INO80E: variants seen among roughly 807,000 people sequenced by gnomAD.
The protein encoded by INO80E is INO80 complex subunit E.
Under a neutral mutation model 27.3 loss-of-function variants are expected in INO80E, and 20 were observed. The ratio of observed to expected loss-of-function variants is 0.73; its 90% CI spans 0.51 to 1.06. INO80E has a LOEUF of 1.06. Ranked by LOEUF, INO80E falls within the 50% of genes least tolerant of loss-of-function variation. The pLI, the probability that INO80E is intolerant of heterozygous loss-of-function variation, is 0.00. For synonymous variants in INO80E, 167 were observed against 145.9 expected (o/e 1.14, Z -1.04); for missense variants, 357 against 322.8 (o/e 1.11, Z -0.81).
In INO80E at chr16:30,005,481, C is replaced by T. The variant is rs754748173; in HGVS notation, c.*39C>T. 1.2e-5 allele frequency: 18 copies of T among 1,545,138 alleles called. No homozygotes were observed. The highest frequency in any genetic ancestry group is 5.9e-5 in the South Asian group (5 of 84,090). The stretch of plus-strand genomic sequence containing the variant: ...CCATGCCCACCACGGCCCCGCCCGG[C>T]GCCCTCCCCGTGCCAGCACACACGA... On this transcript the variant is annotated 3_prime_UTR_variant, in exon 7 of 7. Transcript: ENST00000563197.
intron 6 of INO80E, 23 bp from the exon 7 acceptor site, chr16:30,005,196 CCT>C (rs1242667204): frequency 5.5e-6 from 8 of 1,443,898 alleles, no homozygotes; most frequent in Non-Finnish European, 6.4e-6. Flanking sequence ...GACTAGTCCC[CCT>C]GTGTTTCTTC....
chr16:29,999,759 C>T (rs2070279306), intron 3 of INO80E, among the ~76,000 whole-genome samples: 1 of 152,196 alleles, frequency 6.6e-6, no homozygotes, highest in South Asian at 2.1e-4. Context: ...CCAGATTAAG[C>T]AGCACCATGA....
chr16:29,996,405 CG>C lies in INO80E; in HGVS notation c.81+17del. ...TTCCTCATCTACGTGAGTGCTGCCG[CG>C]GGAAGGCTGTGGGGGATGAGGCCTG... On this transcript the variant is annotated intron_variant, in intron 1 of 6. Transcript: ENST00000563197. 6.3e-7 allele frequency: 1 copy of C among 1,579,892 alleles called. No individual in the cohort carries two copies.
rs1232261630 is a variant in INO80E at position 29,996,408 on chromosome 16, G to T, written c.81+17G>T. 1.3e-6 allele frequency: 2 copies of T among 1,577,708 alleles called. No homozygotes were observed. The highest frequency in any genetic ancestry group is 1.7e-6 in the Non-Finnish European group (2 of 1,161,084). On this transcript the variant is annotated intron_variant, in intron 1 of 6. Transcript: ENST00000563197. ...CTCATCTACGTGAGTGCTGCCGCGGGAAGGCTGTGGGGGATGAGGCCTGGC... is the reference window on the plus strand; with the variant it reads ...CTCATCTACGTGAGTGCTGCCGCGGTAAGGCTGTGGGGGATGAGGCCTGGC...
Position 30,005,701 on chromosome 16 carries a change from G to A in INO80E, c.*259G>A. 1.8e-6 allele frequency: 1 copy of A among 545,502 alleles called. No homozygotes were observed. Among genetic ancestry groups the A allele is most frequent in the Non-Finnish European group, 3.2e-6 (1 of 312,386 alleles). The allele number at this position is 545,502 out of a possible 1,614,324, so 33.8% of individuals were successfully genotyped here. On this transcript the variant is annotated 3_prime_UTR_variant, in exon 7 of 7. Coordinates refer to ENST00000563197, the MANE Select transcript of INO80E (RefSeq NM_173618.3). Reference sequence around the variant, plus strand: ...GCATCTGCCACCTGCTGGGGAGGCAGAGACCCTGCAATGGCCACCTCTTTA... The same window carrying A: ...GCATCTGCCACCTGCTGGGGAGGCAAAGACCCTGCAATGGCCACCTCTTTA...
chr16:29,996,374 C>T lies in INO80E; in HGVS notation c.64C>T (p.Leu22Phe), dbSNP rs1159241877. The T allele has an allele frequency of 6.3e-7, 1 of 1,593,436 alleles. No individual in the cohort carries two copies. Among genetic ancestry groups the T allele is most frequent in the Admixed American group, 1.8e-5 (1 of 57,028 alleles). The change falls in exon 1 of 7, where the codon CTC (leucine) becomes TTC (phenylalanine). Residue 22 changes from leucine (L) to phenylalanine (F), a missense_variant. Leu to Phe is a conservative substitution (Grantham distance 22). Transcript: ENST00000563197. ...KKKYRNLKRK[L>F]KFLIYEHECF... Reference sequence around the variant, plus strand: ...AAAATACCGGAATCTGAAGCGGAAGCTCAAGTTCCTCATCTACGTGAGTGC... The same window carrying T: ...AAAATACCGGAATCTGAAGCGGAAGTTCAAGTTCCTCATCTACGTGAGTGC...
chr16:29,997,283 C>G (rs1359104225), intron 3 of INO80E, among the ~76,000 whole-genome samples: 1 of 152,164 alleles, frequency 6.6e-6, no homozygotes, highest in African/African-American at 2.4e-5. Context: ...TTGCAACATA[C>G]AATCTTTGAA....
In INO80E at chr16:30,005,573, A is replaced by G; in HGVS notation, c.*131A>G. ...TGCTCCGGCCACTGACACAACCAGA[A>G]AAGGCGTAAACATGCACGGGTGTCC... On this transcript the variant is annotated 3_prime_UTR_variant, in exon 7 of 7. Coordinates refer to ENST00000563197, the MANE Select transcript of INO80E (RefSeq NM_173618.3). 1 of 904,968 alleles carries G rather than the reference A, an allele frequency of 1.1e-6. No individual in the cohort carries two copies. Among genetic ancestry groups the G allele is most frequent in the Non-Finnish European group, 1.7e-6 (1 of 584,576 alleles). The allele number at this position is 904,968 out of a possible 1,614,324, so 56.1% of individuals were successfully genotyped here.
At chr16:30,001,222 A>G in intron 5 of INO80E, 182 bp downstream of exon 5, 1 of 1,489,606 alleles carries the variant, frequency 6.7e-7, no homozygotes, top group Middle Eastern at 1.7e-4. Flanking sequence ...GAACGGGGCC[A>G]GGCCTGACTG....
In INO80E at chr16:30,000,758, A is replaced by G. The variant is rs2070317850; in HGVS notation, c.206A>G (p.Asp69Gly). 1 of 1,613,674 alleles carries G rather than the reference A, an allele frequency of 6.2e-7. No individual in the cohort carries two copies. The highest frequency in any genetic ancestry group is 8.5e-7 in the Non-Finnish European group (1 of 1,179,756). Residue 69 changes from aspartate (D) to glycine (G), a missense_variant and splice_region_variant, in exon 4 of 7, where the codon GAC becomes GGC. Coordinates refer to ENST00000563197, the MANE Select transcript of INO80E (RefSeq NM_173618.3). ...QYENVDEDSS[D>G]SDATASSDNS... is the part of the protein sequence containing the mutation. Reference sequence around the variant, plus strand: ...CACTGACCAGCTGTCCCCATCACAGACTCAGATGCCACTGCATCATCAGAT... The same window carrying G: ...CACTGACCAGCTGTCCCCATCACAGGCTCAGATGCCACTGCATCATCAGAT...
At position 30,005,468 on chromosome 16, in the gene INO80E, C is replaced by A. The variant is rs202176231; in HGVS notation, c.*26C>A. The A allele has an allele frequency of 1.1e-5, 17 of 1,563,464 alleles. No homozygotes were observed. Among genetic ancestry groups the A allele is most frequent in the Non-Finnish European group, 1.5e-5 (17 of 1,153,736 alleles). ...CCGTGACATCACGCCATGCCCACCACGGCCCCGCCCGGCGCCCTCCCCGTG... is the reference window on the plus strand; with the variant it reads ...CCGTGACATCACGCCATGCCCACCAAGGCCCCGCCCGGCGCCCTCCCCGTG... On this transcript the variant is annotated 3_prime_UTR_variant, in exon 7 of 7. Transcript: ENST00000563197.
Position 30,005,307 on chromosome 16 carries a change from G to GT in INO80E, c.600_601insT (p.Thr201TyrfsTer7). ...CTGGGGCTGGGGTCGGGACAACCCTGACCCCCCTCCCACCCCCTAAGATGC... is the reference window on the plus strand; with the variant it reads ...CTGGGGCTGGGGTCGGGACAACCCTGTACCCCCCTCCCACCCCCTAAGATGC... On this transcript the variant is annotated frameshift_variant, in exon 7 of 7. Coordinates refer to ENST00000563197, the MANE Select transcript of INO80E (RefSeq NM_173618.3). LOFTEE classifies it high-confidence loss of function. The GT allele has an allele frequency of 3.2e-5, 44 of 1,386,444 alleles. No homozygotes were observed. The highest frequency in any genetic ancestry group is 3.8e-5 in the Admixed American group (1 of 26,574). 85.9% of individuals were successfully genotyped at this position (1,386,444 alleles called of 1,614,324 possible).
rs762824372 is a variant in INO80E at position 29,996,520 on chromosome 16, C to T, written c.82-27C>T. On this transcript the variant is annotated intron_variant, in intron 1 of 6. Coordinates refer to ENST00000563197, the MANE Select transcript of INO80E (RefSeq NM_173618.3). Reference sequence around the variant, plus strand: ...GGGCCCTTCACGGAGGACCGTTGGCCCAGCGCACCCCTTGCCCGTGATACA... The same window carrying T: ...GGGCCCTTCACGGAGGACCGTTGGCTCAGCGCACCCCTTGCCCGTGATACA... 7.1e-6 allele frequency: 11 copies of T among 1,555,936 alleles called. 1 individual carries two copies. In the African/African-American group the frequency reaches 1.2e-4, roughly 17 times the overall value.
intron 3 of INO80E, 152 bp downstream of exon 3, chr16:29,997,012 T>G: frequency 9.6e-6 from 7 of 730,698 alleles, no homozygotes; most frequent in Non-Finnish European, 1.7e-5. Context: ...GTTCTTTCAT[T>G]CAGGCACTTA....
Position 29,996,847 on chromosome 16 carries a change from T to A in INO80E, c.192T>A (p.Asp64Glu). ...LDRLLQYENV[D>E]EDSSDSDATA... ...GACTTCTGCAGTACGAGAACGTGGATGAAGACTCTTCGGGTGAGCAAGGTC... is the reference window on the plus strand; with the variant it reads ...GACTTCTGCAGTACGAGAACGTGGAAGAAGACTCTTCGGGTGAGCAAGGTC... The change falls in exon 3 of 7, where the codon GAT becomes GAA. Residue 64 changes from aspartate (D) to glutamate (E), a missense_variant. Asp to Glu is a conservative substitution (Grantham distance 45). Coordinates refer to ENST00000563197, the MANE Select transcript of INO80E (RefSeq NM_173618.3). The A allele has an allele frequency of 6.2e-7, 1 of 1,614,180 alleles. No individual in the cohort carries two copies. The highest frequency in any genetic ancestry group is 2.2e-5 in the East Asian group (1 of 44,892).
chr16:29,996,855 C>G lies in INO80E; in HGVS notation c.200C>G (p.Ser67Cys), dbSNP rs1168188034. ...CAGTACGAGAACGTGGATGAAGACT[C>G]TTCGGGTGAGCAAGGTCTTCAAAAA... is the stretch of plus-strand genomic sequence containing the variant. ...LLQYENVDED[S>C]SDSDATASSD... is the part of the protein sequence containing the mutation. The change falls in exon 3 of 7, where the codon TCT (serine) becomes TGT (cysteine). Residue 67 changes from serine (S) to cysteine (C), a missense_variant. Ser to Cys is a moderately radical substitution (Grantham distance 112). Coordinates refer to ENST00000563197, the MANE Select transcript of INO80E (RefSeq NM_173618.3). 6.2e-7 allele frequency: 1 copy of G among 1,614,126 alleles called. No homozygotes were observed. The highest frequency in any genetic ancestry group is 1.1e-5 in the South Asian group (1 of 91,082).
At position 30,005,625 on chromosome 16, in the gene INO80E, T is replaced by A; in HGVS notation, c.*183T>A. ...CCAGGAGGGTGGCAGGGGCCCTGCC[T>A]TCAAACCCCGGCCCCCTCCAGGGGA... On this transcript the variant is annotated 3_prime_UTR_variant, in exon 7 of 7. Transcript: ENST00000563197. 1 of 628,170 alleles carries A rather than the reference T, an allele frequency of 1.6e-6. No individual in the cohort carries two copies. The highest frequency in any genetic ancestry group is 2.7e-6 in the Non-Finnish European group (1 of 363,664). 38.9% of individuals were successfully genotyped at this position (628,170 alleles called of 1,614,324 possible).
At chr16:29,996,671 C>G in intron 2 of INO80E, 54 bp downstream of exon 2, 2 of 1,583,000 alleles carry the variant, frequency 1.3e-6, no homozygotes, top group South Asian at 1.1e-5. Flanking sequence ...AATCTACATT[C>G]GGACCCCATC....
Position 30,000,913 on chromosome 16 carries a change from C to A in INO80E, c.285-16C>A. The stretch of plus-strand genomic sequence containing the variant: ...GGCTCCTAGCCACATCTGACCTCGC[C>A]CTGTCCTTTCTCCAGGAAGAGAAGC... On this transcript the variant is annotated splice_polypyrimidine_tract_variant and intron_variant, in intron 4 of 6. Coordinates refer to ENST00000563197, the MANE Select transcript of INO80E (RefSeq NM_173618.3). The A allele has an allele frequency of 6.2e-7, 1 of 1,607,924 alleles. No homozygotes were observed. Among genetic ancestry groups the A allele is most frequent in the Non-Finnish European group, 8.5e-7 (1 of 1,175,264 alleles).
Sources: gnomAD v4.1 joint callset for allele counts (sites outside exome capture counted in the v4.1 genomes callset) on GRCh38, gnomAD v4.1.1 for gene constraint, MANE v1.5 for transcripts, NCBI Gene and HGNC (gene_info 2026-07-23, HGNC 2026-07-21) for gene names.